Variants in DOCK2 observed in about 807,000 individuals in gnomAD.
The protein encoded by DOCK2 is dedicator of cytokinesis protein 2.
DOCK2 carries 87 observed loss-of-function variants against 248.9 expected under a neutral mutation model. The ratio of observed to expected loss-of-function variants is 0.35; its 90% CI spans 0.29 to 0.42. The LOEUF is 0.42. DOCK2 is among the 10% of genes least tolerant of loss of function. DOCK2 has a pLI of 1.00. For synonymous variants in DOCK2, 805 were observed against 821.6 expected (o/e 0.98, Z 0.35); for missense variants, 1,747 against 2,300.2 (o/e 0.76, Z 4.92).
chr5:170,079,967 T>C, intron 49 of DOCK2, 196 bp from the exon 50 acceptor site: 2 of 749,732 alleles, frequency 2.7e-6, no homozygotes, highest in Non-Finnish European at 4.1e-6. Context: ...CCGCCTGTAG[T>C]TGTGTAGTGT....
chr5:169,738,424 G>T (rs1012292351), intron 22 of DOCK2, among the ~76,000 whole-genome samples: 1 of 152,120 alleles, frequency 6.6e-6, no homozygotes, highest in Non-Finnish European at 1.5e-5. Context: ...TGGCTTTTGG[G>T]GTGGAATTAA....
intron 27 of DOCK2, among the ~76,000 whole-genome samples, chr5:169,847,911 A>T (rs1319651389): frequency 2.6e-5 from 4 of 152,224 alleles, no homozygotes; most frequent in Non-Finnish European, 5.9e-5. Context: ...GGCCCAGTCC[A>T]AAAACTCTTG....
At chr5:170,038,783 A>T (rs1756408232) in intron 36 of DOCK2, among the ~76,000 whole-genome samples, 1 of 152,196 alleles carries the variant, frequency 6.6e-6, no homozygotes, top group South Asian at 2.1e-4. Flanking sequence ...CCTTGAGTTA[A>T]CAAGGAAGAG....
intron 11 of DOCK2, 32 bp from the exon 12 acceptor site, chr5:169,699,350 G>A (rs371512232): frequency 5.0e-6 from 8 of 1,606,936 alleles, no homozygotes; most frequent in Non-Finnish European, 5.1e-6. Context: ...AGGACACGAT[G>A]TGGACATTTC....
intron 21 of DOCK2, among the ~76,000 whole-genome samples, 182 bp downstream of exon 21, chr5:169,717,666 A>G (rs1378258938): frequency 1.3e-5 from 2 of 152,230 alleles, no homozygotes; most frequent in African/African-American, 4.8e-5. Context: ...GAATACCCAT[A>G]GGTTTGGATG....
intron 27 of DOCK2, among the ~76,000 whole-genome samples, chr5:169,944,184 G>A (rs867563582): frequency 1.3e-5 from 2 of 152,124 alleles, no homozygotes; most frequent in Non-Finnish European, 2.9e-5. Flanking sequence ...CACACCAAAG[G>A]CCCTGCCTTT....
chr5:169,671,589 C>G (rs1759053266), intron 5 of DOCK2, among the ~76,000 whole-genome samples: 1 of 152,184 alleles, frequency 6.6e-6, no homozygotes, highest in African/African-American at 2.4e-5. Flanking sequence ...GGCTATTGTC[C>G]TCACATCTAT....
chr5:169,981,237 C>A (rs188838922), intron 27 of DOCK2, among the ~76,000 whole-genome samples: 1 of 152,162 alleles, frequency 6.6e-6, no homozygotes, highest in South Asian at 2.1e-4. Flanking sequence ...GAGCTACTTT[C>A]GGGAGTATAA....
chr5:169,852,431 T>A (rs1376859281), intron 27 of DOCK2, among the ~76,000 whole-genome samples: 1 of 152,202 alleles, frequency 6.6e-6, no homozygotes, highest in Non-Finnish European at 1.5e-5. Context: ...GCTGTGGAAC[T>A]GGGGACAAGC....
intron 30 of DOCK2, among the ~76,000 whole-genome samples, chr5:170,003,240 G>T (rs1180012939): frequency 6.6e-6 from 1 of 152,218 alleles, no homozygotes; most frequent in Non-Finnish European, 1.5e-5. Context: ...CTTTATGGTA[G>T]GTACCATTAT....
At chr5:169,693,207 G>A (rs932402999) in intron 9 of DOCK2, among the ~76,000 whole-genome samples, 4 of 152,198 alleles carry the variant, frequency 2.6e-5, no homozygotes, top group African/African-American at 4.8e-5. Flanking sequence ...TGGAAAGGAT[G>A]TGGATATGTA....
At chr5:170,041,977 C>T (rs1275719445) in intron 37 of DOCK2, 36 bp from the exon 38 acceptor site, 17 of 1,607,412 alleles carry the variant, frequency 1.1e-5, no homozygotes, top group East Asian at 2.2e-5. Context: ...GGCAGCCTCT[C>T]GGCCCTGTGT....
At chr5:169,865,300 G>A (rs1414776751) in intron 27 of DOCK2, among the ~76,000 whole-genome samples, 1 of 152,192 alleles carries the variant, frequency 6.6e-6, no homozygotes, top group Admixed American at 6.5e-5. Flanking sequence ...CTGTCGCAGA[G>A]CAGGGGTCCC....
intron 27 of DOCK2, among the ~76,000 whole-genome samples, chr5:169,869,289 A>G (rs1771791768): frequency 6.6e-6 from 1 of 152,098 alleles, no homozygotes. Flanking sequence ...AATCACTGGG[A>G]TTTAGGGAGC....
At chr5:169,844,138 A>G (rs1162668613) in intron 27 of DOCK2, among the ~76,000 whole-genome samples, 3 of 152,234 alleles carry the variant, frequency 2.0e-5, no homozygotes, top group Non-Finnish European at 1.5e-5. Flanking sequence ...ACTATTTTCC[A>G]TAGTAGCCAT....
rs374855115 is a variant in DOCK2, at chr5:169,738,882, C to G, written c.2268-8514C>G. 2.6e-5 allele frequency among the ~76,000 whole-genome samples: 4 copies of G among 152,278 alleles called. No homozygotes were observed. The East Asian group carries it at 7.7e-4, about 29-fold the overall frequency. On this transcript the variant is annotated intron_variant, in intron 22 of 51. Transcript: ENST00000520908. Reference sequence around the variant, plus strand: ...CAGTCCTGTGACCGATACCATTGCTCCTTCTGTTACCCTGTCCTCTGCGGG... The same window carrying G: ...CAGTCCTGTGACCGATACCATTGCTGCTTCTGTTACCCTGTCCTCTGCGGG...
chr5:169,843,244 A>C lies in DOCK2; in HGVS notation c.2799+2392A>C, dbSNP rs375467508. On this transcript the variant is annotated intron_variant, in intron 27 of 51. Coordinates refer to ENST00000520908, the MANE Select transcript of DOCK2 (RefSeq NM_004946.3). ...CTACCTAGTTTTCCAGGTCCAGCAC[A>C]AATGTACGAAGCTGCTCTAGCTGTG... is the stretch of plus-strand genomic sequence containing the variant. Among the ~76,000 whole-genome samples, 42 of 152,298 alleles carry C rather than the reference A, an allele frequency of 2.8e-4. No homozygotes were observed. The East Asian group carries it at 7.5e-3, about 27-fold the overall frequency.
chr5:170,045,782 C>T (rs1403879764), intron 38 of DOCK2, 34 bp from the exon 39 acceptor site: 1 of 1,605,530 alleles, frequency 6.2e-7, no homozygotes, highest in African/African-American at 1.3e-5. Context: ...CCCGGTGGTG[C>T]CACCTCACCT....
chr5:169,901,357 G>A (rs561664719), intron 27 of DOCK2, among the ~76,000 whole-genome samples: 6 of 152,304 alleles, frequency 3.9e-5, no homozygotes, highest in African/African-American at 1.4e-4. Flanking sequence ...TGGTCCTGAA[G>A]GCCACATTAA....
Sources: allele counts gnomAD v4.1 joint callset (sites outside exome capture counted in the v4.1 genomes callset), GRCh38; gene constraint gnomAD v4.1.1; transcripts MANE v1.5; gene names NCBI Gene and HGNC (gene_info 2026-07-23, HGNC 2026-07-21).